Variants in KIF15 observed in about 807,000 individuals in gnomAD.
The protein encoded by KIF15 is kinesin family member 15.
Under a neutral mutation model 190.6 loss-of-function variants are expected in KIF15, and 140 were observed. That is an observed-to-expected ratio of 0.73 (90% CI 0.64 to 0.84). The LOEUF (loss-of-function observed/expected upper bound fraction) is 0.84, where lower values mean the gene tolerates loss of function less well. Ranked by LOEUF, KIF15 falls within the 40% of genes least tolerant of loss-of-function variation. The pLI is 0.00. For synonymous variants in KIF15, 528 were observed against 551.3 expected, an observed-to-expected ratio of 0.96 and a Z score of 0.59; for missense variants, 1,372 against 1,584.4, an observed-to-expected ratio of 0.87 and a Z score of 2.28.
intron 32 of KIF15, among the ~76,000 whole-genome samples, chr3:44,850,729 G>T (rs535770951): frequency 2.6e-5 from 4 of 152,196 alleles, no homozygotes; most frequent in African/African-American, 9.7e-5. Flanking sequence ...GTCCTTCTGA[G>T]ATCCACAGAA....
chr3:44,769,684 T>C (rs952359099), intron 1 of KIF15, among the ~76,000 whole-genome samples: 4 of 152,174 alleles, frequency 2.6e-5, no homozygotes, highest in Admixed American at 6.5e-5. Context: ...GTTTTTTTTT[T>C]CTTAGGGCTT....
Position 44,829,951 on chromosome 3 carries a change from A to G in KIF15, c.2944-20A>G, listed in dbSNP as rs749490359. On this transcript the variant is annotated intron_variant, in intron 24 of 34. Transcript: ENST00000326047. ...CCTTAATGTCATTGGGTATGAAGAT[A>G]TTATTTCTGTCCTCATCAGAAAGTT... 4 of 1,466,046 alleles carry G rather than the reference A, an allele frequency of 2.7e-6. No individual in the cohort carries two copies. The East Asian group carries it at 9.8e-5, about 36-fold the overall frequency. The allele number at this position is 1,466,046 out of a possible 1,614,324, so 90.8% of individuals were successfully genotyped here.
intron 7 of KIF15, among the ~76,000 whole-genome samples, chr3:44,787,317 T>C (rs982483757): frequency 2.6e-5 from 4 of 152,234 alleles, no homozygotes; most frequent in Non-Finnish European, 5.9e-5. Flanking sequence ...TTTCTTCCAC[T>C]TTTAAATCAC....
At chr3:44,769,875 T>C (rs1459499516) in intron 1 of KIF15, among the ~76,000 whole-genome samples, 1 of 152,186 alleles carries the variant, frequency 6.6e-6, no homozygotes, top group Admixed American at 6.5e-5. Flanking sequence ...TGCTAAGATT[T>C]GGGTGCATGG....
intron 6 of KIF15, chr3:44,861,832 C>T (rs764242240): frequency 1.5e-5 from 20 of 1,356,512 alleles, no homozygotes; most frequent in Admixed American, 6.5e-5. Flanking sequence ...CGTGGCGTCA[C>T]AGGAGCGTCG....
In KIF15 at chr3:44,828,252, T is replaced by C. The variant is rs1308961822; in HGVS notation, c.2895T>C (p.Ala965=). The stretch of plus-strand genomic sequence containing the variant: ...AGAAACTAGAAGAGAGCTTGCTTGC[T>C]ACTGAAAAAGTGATCAGTTCCCTGG... The part of the protein sequence containing the change: ...KVQKLEESLL[A]TEKVISSLEK... The change falls in exon 24 of 35, where the codon GCT becomes GCC. Residue 965 remains alanine (A), a synonymous_variant. Coordinates refer to ENST00000326047, the MANE Select transcript of KIF15 (RefSeq NM_020242.3). 5 of 1,613,874 alleles carry C rather than the reference T, an allele frequency of 3.1e-6. No homozygotes were observed. Among genetic ancestry groups the C allele is most frequent in the East Asian group, 4.5e-5 (2 of 44,848 alleles).
Position 44,775,701 on chromosome 3 carries a change from G to A in KIF15, c.246+264G>A, listed in dbSNP as rs933928143. 5.9e-5 allele frequency among the ~76,000 whole-genome samples: 9 copies of A among 151,664 alleles called. No individual in the cohort carries two copies. In the South Asian group the frequency reaches 8.3e-4, roughly 14 times the overall value. ...GATCTCTCGACCTCGTGATCTGCCC[G>A]CCTCAGCCTCCCAAAGTGCTGGGAT... On this transcript the variant is annotated intron_variant, in intron 3 of 34. Coordinates refer to ENST00000326047, the MANE Select transcript of KIF15 (RefSeq NM_020242.3).
intron 4 of KIF15, among the ~76,000 whole-genome samples, chr3:44,778,496 CTCTT>C (rs1419406385): frequency 6.6e-6 from 1 of 152,128 alleles, no homozygotes; most frequent in African/African-American, 2.4e-5. Flanking sequence ...CAACATGTAA[CTCTT>C]TGACTCTTCT....
rs553685675 is a variant in KIF15 at position 44,825,653 on chromosome 3, A to G, written c.2550-386A>G. 5.3e-5 allele frequency among the ~76,000 whole-genome samples: 8 copies of G among 152,346 alleles called. No homozygotes were observed. In the East Asian group the frequency reaches 1.5e-3, roughly 29 times the overall value. ...TATGAATAGTTGGAGTTGAGCTATC[A>G]ATAAAACTTGGAAATTAACAGCCAG... is the stretch of plus-strand genomic sequence containing the variant. On this transcript the variant is annotated intron_variant, in intron 20 of 34. Coordinates refer to ENST00000326047, the MANE Select transcript of KIF15 (RefSeq NM_020242.3).
At position 44,841,177 on chromosome 3, in the gene KIF15, A is replaced by G; in HGVS notation, c.3524A>G (p.His1175Arg). The change falls in exon 29 of 35, where the codon CAC (histidine) becomes CGC (arginine). Residue 1175 changes from histidine (H) to arginine (R), a missense_variant. By Grantham distance (29) the His-to-Arg change is conservative. Transcript: ENST00000326047. ...AGAGCCTCTAAGACTTCTTTGGAAC[A>G]CCTTGTAACAAAGCTAAATGAAGAC... ...DGRASKTSLE[H>R]LVTKLNEDRE... The G allele has an allele frequency of 6.2e-7, 1 of 1,613,516 alleles. No individual in the cohort carries two copies. The highest frequency in any genetic ancestry group is 1.1e-5 in the South Asian group (1 of 91,042).
chr3:44,786,669 T>C, intron 7 of KIF15, 95 bp downstream of exon 7: 1 of 958,438 alleles, frequency 1.0e-6, no homozygotes, highest in East Asian at 2.5e-5. Flanking sequence ...GTACCAAAAA[T>C]ATGTCATAAA....
At chr3:44,764,997 T>G (rs1247686713) in intron 1 of KIF15, among the ~76,000 whole-genome samples, 1 of 152,206 alleles carries the variant, frequency 6.6e-6, no homozygotes, top group Non-Finnish European at 1.5e-5. Flanking sequence ...TATACTCTCT[T>G]TAACCTTTGA....
At chr3:44,802,029 C>G (rs770470658) in intron 13 of KIF15, 55 bp downstream of exon 13, 59 of 1,274,230 alleles carry the variant, frequency 4.6e-5, no homozygotes, top group Non-Finnish European at 6.2e-5. Context: ...CAAAGCAAAT[C>G]TAAGTTTGTC....
chr3:44,820,878 A>G (rs1410746582), intron 20 of KIF15, among the ~76,000 whole-genome samples: 2,690 of 152,016 alleles, frequency 0.018, 42 homozygotes, highest in African/African-American at 0.06. Flanking sequence ...CACCTCCCAG[A>G]CGGGGTGGTG....
In KIF15 at chr3:44,761,896, C is replaced by T. The variant is rs1261070586; in HGVS notation, c.19+12C>T. The stretch of plus-strand genomic sequence containing the variant: ...ACCCGGCTGCAAAAGTAAGTCTGGG[C>T]CCCCGGCTTCGTTACCCTATTTTTG... On this transcript the variant is annotated intron_variant, in intron 1 of 34. Coordinates refer to ENST00000326047, the MANE Select transcript of KIF15 (RefSeq NM_020242.3). The T allele has an allele frequency of 6.2e-7, 1 of 1,613,996 alleles. No homozygotes were observed. The highest frequency in any genetic ancestry group is 8.5e-7 in the Non-Finnish European group (1 of 1,179,974).
At chr3:44,831,957 C>T (rs1575665752) in intron 26 of KIF15, among the ~76,000 whole-genome samples, 1 of 152,180 alleles carries the variant, frequency 6.6e-6, no homozygotes, top group Non-Finnish European at 1.5e-5. Context: ...ATATTGAATC[C>T]ACCTACTATA....
At chr3:44,833,618 GGGGA>G (rs776112019) in intron 26 of KIF15, among the ~76,000 whole-genome samples, 6,918 of 152,162 alleles carry the variant, frequency 0.045, 205 homozygotes, top group Non-Finnish European at 0.065. Context: ...TGCGAGCGAT[GGGGA>G]ATGGCTGTAA....
chr3:44,821,119 G>A (rs1399454536), intron 20 of KIF15, among the ~76,000 whole-genome samples: 2 of 145,680 alleles, frequency 1.4e-5, no homozygotes, highest in East Asian at 2.1e-4. Flanking sequence ...GCGGCTGGCC[G>A]GGCGGGGGGC....
chr3:44,786,524 G>A lies in KIF15; in HGVS notation c.589G>A (p.Val197Ile). 6.2e-7 allele frequency: 1 copy of A among 1,613,228 alleles called. No homozygotes were observed. Among genetic ancestry groups the A allele is most frequent in the Non-Finnish European group, 8.5e-7 (1 of 1,179,408 alleles). ...GGAGCATATCAAGAAGGGAGTCTTT[G>A]TTGTTGGTGCGGTGGAGCAGGTGGT... The part of the protein sequence containing the change: ...LREHIKKGVF[V>I]VGAVEQVVTS... The change falls in exon 7 of 35, where the codon GTT becomes ATT. Residue 197 changes from valine to isoleucine, a missense_variant. Physicochemically the swap from Val to Ile is conservative, Grantham distance 29. Transcript: ENST00000326047.
Sources: gnomAD v4.1 joint callset for allele counts (sites outside exome capture counted in the v4.1 genomes callset) on GRCh38, gnomAD v4.1.1 for gene constraint, MANE v1.5 for transcripts, NCBI Gene and HGNC (gene_info 2026-07-23, HGNC 2026-07-21) for gene names.